PPP1R9A: variants seen among roughly 807,000 people sequenced by gnomAD.
PPP1R9A encodes neurabin-1.
A neutral mutation model predicts 141.9 loss-of-function variants in PPP1R9A; 59 were observed. The observed-to-expected ratio is 0.42, with a 90% CI of 0.34 to 0.52. PPP1R9A has a LOEUF of 0.52. Ranked by LOEUF, PPP1R9A falls within the 20% of genes least tolerant of loss-of-function variation. The pLI is 0.10. For synonymous variants in PPP1R9A, 500 were observed against 569.7 expected (o/e 0.88, Z 1.74); for missense variants, 1,444 against 1,611.9 (o/e 0.90, Z 1.78).
At chr7:95,123,522 G>A (rs1468654510) in intron 4 of PPP1R9A, among the ~76,000 whole-genome samples, 2 of 152,114 alleles carry the variant, frequency 1.3e-5, no homozygotes, top group Non-Finnish European at 2.9e-5. Flanking sequence ...GGTAGTGGGC[G>A]CCTCTAATCC....
chr7:95,109,266 T>C (rs1820120197), intron 2 of PPP1R9A, among the ~76,000 whole-genome samples: 1 of 152,260 alleles, frequency 6.6e-6, no homozygotes, highest in South Asian at 2.1e-4. Flanking sequence ...ACAACTTCTT[T>C]ACCTTCTCAG....
chr7:95,182,993 C>G (rs986645976), intron 5 of PPP1R9A, among the ~76,000 whole-genome samples: 62 of 152,090 alleles, frequency 4.1e-4, no homozygotes, highest in Admixed American at 3.1e-3. Flanking sequence ...AAATGTTGTT[C>G]CTGGAAGGGA....
chr7:95,159,444 T>A (rs1454372619), intron 4 of PPP1R9A, among the ~76,000 whole-genome samples: 1 of 152,174 alleles, frequency 6.6e-6, no homozygotes, highest in East Asian at 1.9e-4. Flanking sequence ...CTTCAAGTTC[T>A]GGGGTACATG....
chr7:95,132,579 T>C (rs761418257), intron 4 of PPP1R9A, among the ~76,000 whole-genome samples: 19 of 152,120 alleles, frequency 1.2e-4, no homozygotes, highest in Non-Finnish European at 1.9e-4. Context: ...CACAGTTTGG[T>C]GAGCAGGAGG....
At chr7:95,073,624 GTTTTTTTTTT>G (rs36077129) in intron 2 of PPP1R9A, among the ~76,000 whole-genome samples, 3 of 105,550 alleles carry the variant, frequency 2.8e-5, no homozygotes, top group East Asian at 2.8e-4. Flanking sequence ...AAAGAAATAA[GTTTTTTTTTT>G]TTTTTTTTTT....
At chr7:94,933,570 T>C (rs962664507) in intron 2 of PPP1R9A, among the ~76,000 whole-genome samples, 1 of 152,208 alleles carries the variant, frequency 6.6e-6, no homozygotes, top group Admixed American at 6.5e-5. Context: ...GGCATCTTTT[T>C]ACCTCAGAAG....
At chr7:95,052,925 A>G (rs575249064) in intron 2 of PPP1R9A, among the ~76,000 whole-genome samples, 2 of 152,072 alleles carry the variant, frequency 1.3e-5, no homozygotes, top group African/African-American at 2.4e-5. Context: ...TGTCTGCTCT[A>G]TATCATGCTC....
chr7:95,094,627 C>T (rs984182567), intron 2 of PPP1R9A, among the ~76,000 whole-genome samples: 1 of 152,054 alleles, frequency 6.6e-6, no homozygotes, highest in African/African-American at 2.4e-5. Flanking sequence ...CACCTGTAAT[C>T]CCAGCACTTT....
intron 2 of PPP1R9A, among the ~76,000 whole-genome samples, chr7:95,067,123 T>A (rs762607253): frequency 1.3e-5 from 2 of 152,240 alleles, no homozygotes; most frequent in Admixed American, 1.3e-4. Context: ...AATAAAGATA[T>A]TTTTATACAT....
chr7:95,147,892 GTTTGCCAGTATTTTATTGAGGAT>G (rs1367897866), intron 4 of PPP1R9A, among the ~76,000 whole-genome samples: 1 of 152,122 alleles, frequency 6.6e-6, no homozygotes, highest in African/African-American at 2.4e-5. Context: ...GCTGGATTTG[GTTTGCCAGTATTTTATTGAGGAT>G]TTTTGCATTG....
At chr7:95,114,184 G>A (rs1006246860) in intron 3 of PPP1R9A, among the ~76,000 whole-genome samples, 7 of 152,082 alleles carry the variant, frequency 4.6e-5, no homozygotes, top group South Asian at 2.1e-4. Context: ...ACTCAGCAGC[G>A]AAAATGGAGG....
intron 18 of PPP1R9A, chr7:95,287,077 T>G (rs1805490312): frequency 6.3e-7 from 1 of 1,596,794 alleles, no homozygotes; most frequent in Admixed American, 1.7e-5. Context: ...GTAACACTTT[T>G]CTTCTTGATT....
chr7:95,243,484 CT>C (rs1454024510), intron 8 of PPP1R9A, among the ~76,000 whole-genome samples: 1 of 152,124 alleles, frequency 6.6e-6, no homozygotes, highest in Non-Finnish European at 1.5e-5. Context: ...TTTGCATTCA[CT>C]GTCAGAATGC....
intron 5 of PPP1R9A, among the ~76,000 whole-genome samples, chr7:95,182,663 A>C (rs1424487607): frequency 6.6e-6 from 1 of 152,192 alleles, no homozygotes; most frequent in African/African-American, 2.4e-5. Flanking sequence ...TATTCATGGA[A>C]ATCATCCACC....
chr7:95,203,281 T>G (rs1789980173), intron 6 of PPP1R9A, among the ~76,000 whole-genome samples: 1 of 152,062 alleles, frequency 6.6e-6, no homozygotes, highest in African/African-American at 2.4e-5. Context: ...AATGGAAGCT[T>G]TGGTTTGCAT....
chr7:95,103,612 C>T (rs1161507185), intron 2 of PPP1R9A, among the ~76,000 whole-genome samples: 1 of 152,122 alleles, frequency 6.6e-6, no homozygotes, highest in Non-Finnish European at 1.5e-5. Context: ...TGGTGATCCG[C>T]CTGCCTCGGC....
chr7:95,100,551 A>T (rs1448913586), intron 2 of PPP1R9A, among the ~76,000 whole-genome samples: 2 of 152,208 alleles, frequency 1.3e-5, no homozygotes, highest in African/African-American at 2.4e-5. Flanking sequence ...CTTAGATAAG[A>T]ACTGATTCTG....
At chr7:95,015,656 A>G (rs1805000907) in intron 2 of PPP1R9A, among the ~76,000 whole-genome samples, 1 of 152,166 alleles carries the variant, frequency 6.6e-6, no homozygotes, top group African/African-American at 2.4e-5. Flanking sequence ...TGACAAGGAA[A>G]ATATGTTTGA....
rs1046947074 is a variant in PPP1R9A at position 94,910,063 on chromosome 7, G to A, written c.-51G>A. 1.3e-5 allele frequency: 20 copies of A among 1,524,200 alleles called. No individual in the cohort carries two copies. The highest frequency in any genetic ancestry group is 1.8e-4 in the Middle Eastern group (1 of 5,504). The allele number at this position is 1,524,200 out of a possible 1,614,324, so 94.4% of individuals were successfully genotyped here. A position where few individuals can be genotyped will look rare whatever the true frequency, so the allele number is the denominator to read the frequency against. On this transcript the variant is annotated 5_prime_UTR_variant, in exon 2 of 20. Transcript: ENST00000433360. The surrounding 1 kb of genome is among the most constrained non-coding windows in gnomAD (Gnocchi z 4.5). The stretch of plus-strand genomic sequence containing the variant: ...GAGAAGAGAGGTATCTTGGTTTTTG[G>A]TTTTTTTCTTTGATCATTATGAACA...
Sources: gnomAD v4.1 joint callset for allele counts (sites outside exome capture counted in the v4.1 genomes callset) on GRCh38, gnomAD v4.1.1 for gene constraint, Gnocchi (gnomAD v3.1) non-coding constraint, MANE v1.5 for transcripts, NCBI Gene and HGNC (gene_info 2026-07-23, HGNC 2026-07-21) for gene names.